RPH3AL: variants seen among roughly 807,000 people sequenced by gnomAD.
RPH3AL encodes rab effector Noc2.
A neutral mutation model predicts 43.1 loss-of-function variants in RPH3AL; 38 were observed. That is an observed-to-expected ratio of 0.88 (90% confidence interval 0.68 to 1.15). The LOEUF (loss-of-function observed/expected upper bound fraction) is 1.15. Ranked by LOEUF, RPH3AL falls within the 50% of genes most tolerant of loss-of-function variation. The pLI is 0.00. For synonymous variants in RPH3AL, 189 were observed against 176.3 expected (o/e 1.07, Z -0.57); for missense variants, 462 against 423.2 (o/e 1.09, Z -0.81).
intron 5 of RPH3AL, among the ~76,000 whole-genome samples, chr17:305,801 G>A (rs1449217153): frequency 4.0e-5 from 6 of 151,738 alleles, no homozygotes; most frequent in East Asian, 3.9e-4. Context: ...CATGACATCC[G>A]CCTCTGAGCT....
intron 5 of RPH3AL, among the ~76,000 whole-genome samples, chr17:284,737 C>T (rs1215294208): frequency 1.3e-5 from 2 of 152,190 alleles, no homozygotes; most frequent in African/African-American, 4.8e-5. Flanking sequence ...AGCCTCTGCC[C>T]CATCGTAGTC....
chr17:342,510 G>C (rs1392767499), intron 1 of RPH3AL, among the ~76,000 whole-genome samples: 1 of 152,108 alleles, frequency 6.6e-6, no homozygotes, highest in Admixed American at 6.5e-5. Context: ...CACACAAAAG[G>C]ATATTATTTG....
At chr17:285,512 G>A (rs1228699723) in intron 5 of RPH3AL, among the ~76,000 whole-genome samples, 1 of 152,138 alleles carries the variant, frequency 6.6e-6, no homozygotes, top group Non-Finnish European at 1.5e-5. Flanking sequence ...TCTGCAGCCC[G>A]GCGTGGTTTT....
rs760785938 is a variant in RPH3AL, at chr17:321,446, G to T, written c.78-31C>A. On this transcript the variant is annotated intron_variant, in intron 3 of 9. Transcript: ENST00000331302. ...GAGGGAACAGCACAGACGGCGTGGA[G>T]GCCTCCCCGGTGCAAACTCCGGCAG... The T allele has an allele frequency of 1.4e-5, 22 of 1,538,222 alleles. No homozygotes were observed. The Middle Eastern group carries it at 5.2e-4, about 36-fold the overall frequency.
At chr17:260,560 C>A (rs1555545933) in intron 6 of RPH3AL, among the ~76,000 whole-genome samples, 1 of 152,196 alleles carries the variant, frequency 6.6e-6, no homozygotes, top group African/African-American at 2.4e-5. Context: ...AAGCTCCAGA[C>A]TGAATCAGTC....
rs1333972918 is a variant in RPH3AL, at chr17:281,869, A to C, written c.352-15T>G. The C allele has an allele frequency of 6.2e-7, 1 of 1,607,502 alleles. No homozygotes were observed. Among genetic ancestry groups the C allele is most frequent in the South Asian group, 1.1e-5 (1 of 90,924 alleles). On this transcript the variant is annotated splice_polypyrimidine_tract_variant and intron_variant, in intron 5 of 9. Coordinates refer to ENST00000331302, the MANE Select transcript of RPH3AL (RefSeq NM_006987.4). ...GTGCAGACTTTCTACAAGAGAGAGGACATGGGGTTGTAAAGATTGCAGCCG... is the reference window on the plus strand; with the variant it reads ...GTGCAGACTTTCTACAAGAGAGAGGCCATGGGGTTGTAAAGATTGCAGCCG...
chr17:224,800 T>A (rs2041068804), intron 7 of RPH3AL, among the ~76,000 whole-genome samples: 1 of 152,166 alleles, frequency 6.6e-6, no homozygotes, highest in Non-Finnish European at 1.5e-5. Flanking sequence ...AAGGATGAGT[T>A]CATGTCCTTT....
At chr17:242,311 TATTG>T (rs1555537376) in intron 7 of RPH3AL, among the ~76,000 whole-genome samples, 11 of 133,606 alleles carry the variant, frequency 8.2e-5, no homozygotes, top group African/African-American at 2.7e-4. Flanking sequence ...TACCTTCCTC[TATTG>T]ACTACCTTCC....
At chr17:309,033 C>G (rs529617249) in intron 5 of RPH3AL, among the ~76,000 whole-genome samples, 145 of 152,274 alleles carry the variant, frequency 9.5e-4, no homozygotes, top group African/African-American at 3.3e-3. Flanking sequence ...TGTGGTGGCT[C>G]AAGCCTGTAA....
At chr17:240,994 T>A (rs1198923826) in intron 7 of RPH3AL, among the ~76,000 whole-genome samples, 1 of 150,486 alleles carries the variant, frequency 6.6e-6, no homozygotes, top group Non-Finnish European at 1.5e-5. Flanking sequence ...GAGGCAGAGG[T>A]TGCAGTGAGC....
intron 5 of RPH3AL, among the ~76,000 whole-genome samples, chr17:293,983 G>T (rs1014144382): frequency 6.6e-6 from 1 of 151,918 alleles, no homozygotes; most frequent in African/African-American, 2.4e-5. Context: ...AGCTGAGATT[G>T]CACCACTGCA....
chr17:314,520 G>A (rs60997197), intron 5 of RPH3AL, among the ~76,000 whole-genome samples: 1 of 129,060 alleles, frequency 7.7e-6, no homozygotes, highest in Non-Finnish European at 1.6e-5. Context: ...TTGACCTGTA[G>A]TCCCTGTGAC....
intron 5 of RPH3AL, among the ~76,000 whole-genome samples, chr17:294,624 ATGCTGCAGAAAT>A (rs2043128330): frequency 3.0e-5 from 2 of 67,192 alleles, no homozygotes; most frequent in Non-Finnish European, 3.1e-5. Context: ...AGGGACACAG[ATGCTGCAGAAAT>A]GGACAGCAGA....
At chr17:270,873 A>T (rs1029048506) in intron 6 of RPH3AL, among the ~76,000 whole-genome samples, 6 of 152,250 alleles carry the variant, frequency 3.9e-5, no homozygotes, top group East Asian at 1.9e-4. Context: ...TGAATGGTAA[A>T]GCCTAGGTTT....
intron 5 of RPH3AL, among the ~76,000 whole-genome samples, chr17:286,336 C>A (rs570149557): frequency 1.1e-4 from 16 of 152,280 alleles, no homozygotes; most frequent in African/African-American, 3.4e-4. Flanking sequence ...CCAGATCGCG[C>A]CTCGGGCAGC....
intron 6 of RPH3AL, among the ~76,000 whole-genome samples, chr17:272,418 T>C (rs1451508824): frequency 2.6e-5 from 4 of 151,778 alleles, no homozygotes; most frequent in Non-Finnish European, 4.4e-5. Context: ...TGGAGTACTA[T>C]GCAGCCATAA....
chr17:225,644 T>G lies in RPH3AL; in HGVS notation c.614-5908A>C, dbSNP rs2041091230. Among the ~76,000 whole-genome samples, 2 of 151,798 alleles carry G rather than the reference T, an allele frequency of 1.3e-5. No individual in the cohort carries two copies. The highest frequency in any genetic ancestry group is 1.3e-4 in the Admixed American group (2 of 15,246). On this transcript the variant is annotated intron_variant, in intron 7 of 9. Transcript: ENST00000331302. The surrounding 1 kb of genome is among the most constrained non-coding windows in gnomAD (Gnocchi z 4.4). ...AGCAGGAGGACAGTCCTGCGGAGGGTGGGGTGGCTCGTCTGCACACCGGTT... is the reference window on the plus strand; with the variant it reads ...AGCAGGAGGACAGTCCTGCGGAGGGGGGGGTGGCTCGTCTGCACACCGGTT...
At position 289,432 on chromosome 17, in the gene RPH3AL, G is replaced by A. The variant is rs965721079; in HGVS notation, c.352-7578C>T. On this transcript the variant is annotated intron_variant, in intron 5 of 9. Transcript: ENST00000331302. This position sits in a 1 kb window ranked among gnomAD's most constrained non-coding sequence, Gnocchi z 5.2. ...AACCTCTCAATTCCCCTTCAGCCCCGTCCCTGATCTCTGCTGCCACCGCCC... is the reference window on the plus strand; with the variant it reads ...AACCTCTCAATTCCCCTTCAGCCCCATCCCTGATCTCTGCTGCCACCGCCC... 2.6e-4 allele frequency among the ~76,000 whole-genome samples: 39 copies of A among 151,934 alleles called. No homozygotes were observed. The highest frequency in any genetic ancestry group is 3.5e-4 in the Non-Finnish European group (24 of 67,990).
In RPH3AL at chr17:246,505, AC is replaced by A. The variant is rs947882232; in HGVS notation, c.613+605del. Among the ~76,000 whole-genome samples the A allele has an allele frequency of 2.0e-5, 3 of 152,220 alleles. No homozygotes were observed. The highest frequency in any genetic ancestry group is 4.4e-5 in the Non-Finnish European group (3 of 68,032). On this transcript the variant is annotated intron_variant, in intron 7 of 9. Coordinates refer to ENST00000331302, the MANE Select transcript of RPH3AL (RefSeq NM_006987.4). The surrounding 1 kb of genome is among the most constrained non-coding windows in gnomAD (Gnocchi z 4.8). Reference sequence around the variant, plus strand: ...AAATAACTTCCGAGCCTGTTGTGAGACCAGGAACTTTGAAATAAAACCACAA... The same window carrying A: ...AAATAACTTCCGAGCCTGTTGTGAGACAGGAACTTTGAAATAAAACCACAA...
Sources: allele counts gnomAD v4.1 joint callset (sites outside exome capture counted in the v4.1 genomes callset), GRCh38; gene constraint gnomAD v4.1.1; non-coding constraint Gnocchi (gnomAD v3.1); transcripts MANE v1.5; gene names NCBI Gene and HGNC (gene_info 2026-07-23, HGNC 2026-07-21).